Variants in DISP1 observed in about 807,000 individuals in gnomAD.
The protein encoded by DISP1 is protein dispatched homolog 1.
Under a neutral mutation model 37.3 loss-of-function variants are expected in DISP1, and 30 were observed. That is an observed-to-expected ratio of 0.80 (90% CI 0.60 to 1.09). DISP1 has a LOEUF of 1.09. Among genes scored for constraint, DISP1 ranks in the 50% least tolerant of loss-of-function variants. The pLI is 0.00. For synonymous variants in DISP1, 634 were observed against 690.2 expected (o/e 0.92, Z 1.28); for missense variants, 1,598 against 1,879.5 (o/e 0.85, Z 2.77).
chr1:222,945,472 G>A (rs1334577974), intron 3 of DISP1, among the ~76,000 whole-genome samples: 1 of 152,166 alleles, frequency 6.6e-6, no homozygotes, highest in Non-Finnish European at 1.5e-5. Flanking sequence ...GCATTTTGAA[G>A]CTGATACCTC....
chr1:222,827,611 A>G (rs1664742971), intron 1 of DISP1: 1 of 152,136 alleles, frequency 6.6e-6, no homozygotes, highest in Non-Finnish European at 1.5e-5. Context: ...GGTAAGTTAT[A>G]CATCTTTAAA....
Position 222,991,595 on chromosome 1 carries a change from A to G in DISP1, c.739A>G (p.Lys247Glu), listed in dbSNP as rs139954139. The change falls in exon 6 of 9, where the codon AAA (lysine) becomes GAA (glutamate). Residue 247 changes from lysine (K) to glutamate (E), a missense_variant. Transcript: ENST00000675850. ...TAATATGGTGAAAAATACAGGATAC[A>G]AAGCAACATTAGCAAATTATCCCTT... ...WNNMVKNTGY[K>E]ATLANYPFKY... 47 of 1,613,756 alleles carry G rather than the reference A, an allele frequency of 2.9e-5. No individual in the cohort carries two copies. Among genetic ancestry groups the G allele is most frequent in the Non-Finnish European group, 7.6e-6 (9 of 1,179,796 alleles).
chr1:222,957,358 G>A (rs1268533358), intron 3 of DISP1, among the ~76,000 whole-genome samples: 1 of 152,124 alleles, frequency 6.6e-6, no homozygotes, highest in Non-Finnish European at 1.5e-5. Context: ...GGAAGCCGAG[G>A]TGGATGGATC....
chr1:222,832,877 C>G (rs946672587), intron 1 of DISP1, among the ~76,000 whole-genome samples: 4 of 151,528 alleles, frequency 2.6e-5, no homozygotes, highest in Non-Finnish European at 4.4e-5. Flanking sequence ...GCTTTTGTGA[C>G]AGAGTGAAAC....
At chr1:222,943,699 A>T in intron 3 of DISP1, 1 of 298,402 alleles carries the variant, frequency 3.4e-6, no homozygotes, top group Non-Finnish European at 6.3e-6. Context: ...ATTTGCTGTT[A>T]TTGATAGTGG....
rs146576721 is a variant in DISP1 at position 222,948,848 on chromosome 1, G to A, written c.509+5516G>A. Among the ~76,000 whole-genome samples, 495 of 152,216 alleles carry A rather than the reference G, an allele frequency of 3.3e-3. 1 individual carries two copies. The highest frequency in any genetic ancestry group is 5.6e-3 in the South Asian group (27 of 4,818). On this transcript the variant is annotated intron_variant, in intron 3 of 8. Transcript: ENST00000675850. ...ATACCACAAATGGGCCCACCTGTTT[G>A]TATTTGAAAGTGTTTTCTAAAGTTT...
At chr1:222,817,309 C>T (rs181118496) in intron 1 of DISP1, among the ~76,000 whole-genome samples, 10 of 152,264 alleles carry the variant, frequency 6.6e-5, no homozygotes, top group Admixed American at 4.6e-4. Context: ...TGTACAGTGT[C>T]TGTATTGGAA....
At chr1:222,857,120 A>G (rs534324188) in intron 1 of DISP1, among the ~76,000 whole-genome samples, 63 of 152,290 alleles carry the variant, frequency 4.1e-4, no homozygotes, top group African/African-American at 1.5e-3. Context: ...GTCTTAATTG[A>G]CACTTAAAAA....
intron 1 of DISP1, among the ~76,000 whole-genome samples, chr1:222,891,094 G>A (rs1670913043): frequency 6.6e-6 from 1 of 152,130 alleles, no homozygotes; most frequent in Non-Finnish European, 1.5e-5. Flanking sequence ...CCAGGAGTTA[G>A]CTAGATGAAG....
chr1:223,002,757 C>A lies in DISP1; in HGVS notation c.1360C>A (p.Leu454Ile). ...YATPALKYSM[L>I]FSPTEKGESM... is the part of the protein sequence containing the mutation. Reference sequence around the variant, plus strand: ...CACGCCAGCTTTAAAATACAGCATGCTCTTCTCTCCCACAGAGAAAGGGGA... The same window carrying A: ...CACGCCAGCTTTAAAATACAGCATGATCTTCTCTCCCACAGAGAAAGGGGA... Residue 454 changes from leucine (L) to isoleucine (I), a missense_variant, in exon 9 of 9, where the codon CTC (leucine) becomes ATC (isoleucine). Leu to Ile is a conservative substitution (Grantham distance 5). Coordinates refer to ENST00000675850, the MANE Select transcript of DISP1 (RefSeq NM_001377229.1). 6.2e-7 allele frequency: 1 copy of A among 1,614,142 alleles called. No individual in the cohort carries two copies. Among genetic ancestry groups the A allele is most frequent in the South Asian group, 1.1e-5 (1 of 91,078 alleles).
chr1:222,876,096 T>G (rs1397280467), intron 1 of DISP1, among the ~76,000 whole-genome samples: 1 of 152,124 alleles, frequency 6.6e-6, no homozygotes, highest in Non-Finnish European at 1.5e-5. Context: ...CTTATGGTTG[T>G]CATGAGGTTT....
At chr1:222,815,808 T>C (rs1661072391) in intron 1 of DISP1, among the ~76,000 whole-genome samples, 1 of 152,188 alleles carries the variant, frequency 6.6e-6, no homozygotes, top group African/African-American at 2.4e-5. Flanking sequence ...CTGCAGAGTT[T>C]AGCTTGTCTT....
At chr1:222,858,411 T>G (rs1380043879) in intron 1 of DISP1, among the ~76,000 whole-genome samples, 1 of 152,056 alleles carries the variant, frequency 6.6e-6, no homozygotes, top group Non-Finnish European at 1.5e-5. Flanking sequence ...ATTCAGGACA[T>G]AGGCACAGGC....
intron 3 of DISP1, among the ~76,000 whole-genome samples, chr1:222,980,919 A>G (rs1558066970): frequency 6.6e-6 from 1 of 152,124 alleles, no homozygotes; most frequent in East Asian, 1.9e-4. Flanking sequence ...CTCTACTAAA[A>G]ATGCAAAAAT....
At chr1:222,988,874 A>C (rs1253160785) in intron 4 of DISP1, among the ~76,000 whole-genome samples, 1 of 152,074 alleles carries the variant, frequency 6.6e-6, no homozygotes, top group Non-Finnish European at 1.5e-5. Flanking sequence ...GCTGGTCTCA[A>C]ACTCCTGACC....
chr1:222,828,675 GCT>G (rs1489991404), intron 1 of DISP1, among the ~76,000 whole-genome samples: 2 of 152,090 alleles, frequency 1.3e-5, no homozygotes, highest in African/African-American at 4.8e-5. Flanking sequence ...ATTTTCTATA[GCT>G]CCCCTCCCCA....
chr1:222,901,742 G>C (rs1233804690), intron 1 of DISP1, among the ~76,000 whole-genome samples: 1 of 152,146 alleles, frequency 6.6e-6, no homozygotes, highest in African/African-American at 2.4e-5. Flanking sequence ...GGCCAGGCTG[G>C]TCTGGAACTC....
chr1:222,909,376 A>G (rs1208323444), intron 1 of DISP1, among the ~76,000 whole-genome samples: 1 of 152,202 alleles, frequency 6.6e-6, no homozygotes, highest in African/African-American at 2.4e-5. Context: ...AAAATGGACA[A>G]TATGGTTGTT....
At chr1:222,918,745 A>T (rs1672637060) in intron 1 of DISP1, among the ~76,000 whole-genome samples, 1 of 152,188 alleles carries the variant, frequency 6.6e-6, no homozygotes, top group African/African-American at 2.4e-5. Context: ...ATAAACCTTG[A>T]TTTGTTTTCT....
Sources: gnomAD v4.1 joint callset for allele counts (sites outside exome capture counted in the v4.1 genomes callset) on GRCh38, gnomAD v4.1.1 for gene constraint, MANE v1.5 for transcripts, NCBI Gene and HGNC (gene_info 2026-07-23, HGNC 2026-07-21) for gene names.